The following SPOCK1 variants were observed in gnomAD, a reference collection of about 807,000 sequenced individuals.
SPOCK1 encodes the protein testican-1.
Under a neutral mutation model 55.3 loss-of-function variants are expected in SPOCK1, and 23 were observed. The ratio of observed to expected loss-of-function variants is 0.42; its 90% CI spans 0.30 to 0.59. SPOCK1 has a LOEUF of 0.59. Ranked by LOEUF, SPOCK1 falls within the 20% of genes least tolerant of loss-of-function variation. SPOCK1 has a pLI of 0.22. For synonymous variants in SPOCK1, 226 were observed against 221.0 expected (o/e 1.02, Z -0.20); for missense variants, 499 against 552.5 (o/e 0.90, Z 0.97).
At position 137,147,256 on chromosome 5, in the gene SPOCK1, CAA is replaced by C. The variant is rs1642805946; in HGVS notation, c.233-6564_233-6563del. The stretch of plus-strand genomic sequence containing the variant: ...ATTTTGGTATACATAAAAATTATAA[CAA>C]GAGAAAAGGGAAAAAAGAAACATCC... On this transcript the variant is annotated intron_variant, in intron 3 of 10. Coordinates refer to ENST00000394945, the MANE Select transcript of SPOCK1 (RefSeq NM_004598.4). Among the ~76,000 whole-genome samples, 10 of 152,004 alleles carry C rather than the reference CAA, an allele frequency of 6.6e-5. No homozygotes were observed. In the South Asian group the frequency reaches 2.1e-3, roughly 32 times the overall value.
intron 2 of SPOCK1, among the ~76,000 whole-genome samples, chr5:137,350,930 A>C (rs146766157): frequency 1.3e-5 from 2 of 152,210 alleles, no homozygotes; most frequent in Non-Finnish European, 2.9e-5. Context: ...CTATTTTATC[A>C]ACATACATGC....
chr5:137,297,301 A>G (rs1757507640), intron 2 of SPOCK1, among the ~76,000 whole-genome samples: 2 of 152,354 alleles, frequency 1.3e-5, no homozygotes, highest in Admixed American at 1.3e-4. Flanking sequence ...ACTATGATTC[A>G]TTCACTCCAC....
chr5:137,246,241 C>T (rs1756393209), intron 3 of SPOCK1, among the ~76,000 whole-genome samples: 4 of 152,188 alleles, frequency 2.6e-5, no homozygotes, highest in African/African-American at 9.7e-5. Context: ...TTTTAATTAC[C>T]TCTGAGATTC....
intron 8 of SPOCK1, among the ~76,000 whole-genome samples, chr5:136,987,654 C>T (rs1359478702): frequency 1.3e-5 from 2 of 152,152 alleles, no homozygotes; most frequent in African/African-American, 4.8e-5. Context: ...TCTATGCATA[C>T]ATAACTTAAA....
intron 3 of SPOCK1, among the ~76,000 whole-genome samples, chr5:137,150,505 G>T (rs895691038): frequency 6.6e-6 from 1 of 152,120 alleles, no homozygotes; most frequent in Non-Finnish European, 1.5e-5. Flanking sequence ...GAGCTTAATT[G>T]TTAAGGTATC....
At chr5:137,354,620 A>G (rs1750751049) in intron 2 of SPOCK1, among the ~76,000 whole-genome samples, 1 of 152,284 alleles carries the variant, frequency 6.6e-6, no homozygotes, top group African/African-American at 2.4e-5. Context: ...TGCAGAACAG[A>G]CTGTCTAATC....
At chr5:137,246,021 G>T (rs563323464) in intron 3 of SPOCK1, among the ~76,000 whole-genome samples, 1 of 152,286 alleles carries the variant, frequency 6.6e-6, no homozygotes, top group East Asian at 1.9e-4. Flanking sequence ...TTTAGGAAAG[G>T]TTTCTCTCTG....
At chr5:137,140,265 T>C (rs190355269) in intron 4 of SPOCK1, among the ~76,000 whole-genome samples, 1 of 152,314 alleles carries the variant, frequency 6.6e-6, no homozygotes, top group Non-Finnish European at 1.5e-5. Context: ...GTTTCCTGGG[T>C]CGTGGCATCA....
Position 137,022,985 on chromosome 5 carries a change from C to T in SPOCK1, c.590-30385G>A, listed in dbSNP as rs547293188. On this transcript the variant is annotated intron_variant, in intron 6 of 10. Coordinates refer to ENST00000394945, the MANE Select transcript of SPOCK1 (RefSeq NM_004598.4). ...CTATTCCTTAATCTTGGTTCTGATT[C>T]CCAGGCAGCAAAGCCTAGCAAATAA... 2.0e-5 allele frequency among the ~76,000 whole-genome samples: 3 copies of T among 152,256 alleles called. No homozygotes were observed. The South Asian group carries it at 6.2e-4, about 32-fold the overall frequency.
intron 2 of SPOCK1, among the ~76,000 whole-genome samples, chr5:137,309,977 G>A (rs1330309265): frequency 1.3e-5 from 2 of 151,918 alleles, no homozygotes; most frequent in Non-Finnish European, 2.9e-5. Context: ...TCTAGTTACC[G>A]AGGAACCTTC....
intron 2 of SPOCK1, among the ~76,000 whole-genome samples, chr5:137,341,956 G>A (rs1750439768): frequency 6.6e-6 from 1 of 152,208 alleles, no homozygotes; most frequent in Non-Finnish European, 1.5e-5. Context: ...CTCTACTGCA[G>A]GACTTCTCTG....
chr5:137,302,366 G>A (rs1032269259), intron 2 of SPOCK1, among the ~76,000 whole-genome samples: 10 of 150,336 alleles, frequency 6.7e-5, no homozygotes, highest in African/African-American at 2.2e-4. Flanking sequence ...TCAGGAGATT[G>A]AGACCATCCT....
intron 3 of SPOCK1, among the ~76,000 whole-genome samples, chr5:137,157,094 C>T (rs1170823522): frequency 1.3e-5 from 2 of 152,100 alleles, no homozygotes; most frequent in African/African-American, 4.8e-5. Flanking sequence ...TCTGCTGCCC[C>T]GGTCCCTTCC....
At chr5:137,467,432 C>T (rs1753642419) in intron 2 of SPOCK1, among the ~76,000 whole-genome samples, 1 of 152,218 alleles carries the variant, frequency 6.6e-6, no homozygotes, top group South Asian at 2.1e-4. Flanking sequence ...TGAGTACCTA[C>T]TTGGTGCCAA....
intron 2 of SPOCK1, among the ~76,000 whole-genome samples, chr5:137,356,824 TATATATATATATATAG>T (rs1446133334): frequency 0.03 from 582 of 19,680 alleles, 3 homozygotes; most frequent in South Asian, 0.067. Flanking sequence ...TATATATATA[TATATATATATATATAG>T]AGAGAGAGAG....
intron 2 of SPOCK1, among the ~76,000 whole-genome samples, chr5:137,434,539 C>G (rs1752817986): frequency 8.6e-6 from 1 of 116,110 alleles, no homozygotes; most frequent in Admixed American, 1.3e-4. Context: ...GTCACACAGG[C>G]TGCAGTGCAT....
At chr5:137,054,037 G>C (rs79466072) in intron 6 of SPOCK1, among the ~76,000 whole-genome samples, 1,876 of 152,202 alleles carry the variant, frequency 0.012, 36 homozygotes, top group Middle Eastern at 0.027. Flanking sequence ...ATTGTACAAA[G>C]AGCAGATCCA....
chr5:137,102,943 T>C (rs550384905), intron 5 of SPOCK1, among the ~76,000 whole-genome samples: 43 of 152,312 alleles, frequency 2.8e-4, no homozygotes, highest in Non-Finnish European at 5.0e-4. Flanking sequence ...ACTGTGGTAG[T>C]GATTGCTGGA....
At chr5:137,114,686 G>A (rs188818417) in intron 4 of SPOCK1, among the ~76,000 whole-genome samples, 226 of 152,316 alleles carry the variant, frequency 1.5e-3, no homozygotes, top group Non-Finnish European at 2.2e-3. Flanking sequence ...CTTAGGGTAC[G>A]TGATTCCTTC....
Sources: allele counts gnomAD v4.1 joint callset (sites outside exome capture counted in the v4.1 genomes callset), GRCh38; gene constraint gnomAD v4.1.1; transcripts MANE v1.5; gene names NCBI Gene and HGNC (gene_info 2026-07-23, HGNC 2026-07-21).